ARID2: variants seen among roughly 807,000 people sequenced by gnomAD.
The protein encoded by ARID2 is AT-rich interactive domain-containing protein 2.
ARID2 carries 32 observed loss-of-function variants against 184.6 expected under a neutral mutation model. That is an observed-to-expected ratio of 0.17 (90% CI 0.13 to 0.23). The LOEUF is 0.23. Among genes scored for constraint, ARID2 ranks in the 10% least tolerant of loss-of-function variants. The pLI, the probability that ARID2 is intolerant of heterozygous loss-of-function variation, is 1.00. For synonymous variants in ARID2, 836 were observed against 772.6 expected, an observed-to-expected ratio of 1.08 and a Z score of -1.36; for missense variants, 1,696 against 2,197.6, an observed-to-expected ratio of 0.77 and a Z score of 4.56.
chr12:45,731,370 T>G, intron 3 of ARID2, 56 bp downstream of exon 3: 3 of 1,347,980 alleles, frequency 2.2e-6, no homozygotes, highest in African/African-American at 1.4e-5. Flanking sequence ...ATGGAGAGAT[T>G]TGTTTTTAGC....
intron 3 of ARID2, among the ~76,000 whole-genome samples, chr12:45,784,667 A>G (rs1054943652): frequency 1.3e-5 from 2 of 152,352 alleles, no homozygotes; most frequent in Non-Finnish European, 2.9e-5. Context: ...TTGTCTCAAG[A>G]AAAGAAAAAA....
intron 16 of ARID2, among the ~76,000 whole-genome samples, chr12:45,888,194 C>CAAA (rs1312278812): frequency 1.3e-4 from 13 of 97,822 alleles, no homozygotes; most frequent in African/African-American, 4.1e-4. Flanking sequence ...GACTCCGTCT[C>CAAA]AAAAAAAAAA....
chr12:45,738,134 T>C (rs1472028040), intron 3 of ARID2, among the ~76,000 whole-genome samples: 2 of 152,206 alleles, frequency 1.3e-5, no homozygotes, highest in Non-Finnish European at 2.9e-5. Context: ...GGGTACCATT[T>C]GTTTTACTGA....
chr12:45,771,308 A>C (rs1268678290), intron 3 of ARID2, among the ~76,000 whole-genome samples: 1 of 149,782 alleles, frequency 6.7e-6, no homozygotes, highest in Non-Finnish European at 1.5e-5. Context: ...CAGTCAGCTG[A>C]GATCGTGCCA....
rs766691475 is a variant in ARID2, at chr12:45,730,068, G to T, written c.117G>T (p.Ala39=). The T allele has an allele frequency of 6.2e-7, 1 of 1,613,590 alleles. No individual in the cohort carries two copies. Among genetic ancestry groups the T allele is most frequent in the Non-Finnish European group, 8.5e-7 (1 of 1,179,758 alleles). The part of the protein sequence containing the change: ...SRGSPFKKIP[A]VGGKELDLHG... ...GGTCGCCTTTTAAAAAAATCCCTGCGGTGGGTGGGAAGGAGCTGGATCTTC... is the reference window on the plus strand; with the variant it reads ...GGTCGCCTTTTAAAAAAATCCCTGCTGTGGGTGGGAAGGAGCTGGATCTTC... Residue 39 remains alanine (A), a synonymous_variant, in exon 2 of 21, where the codon GCG becomes GCT. Transcript: ENST00000334344.
chr12:45,796,950 A>G (rs1421974790), intron 3 of ARID2, among the ~76,000 whole-genome samples: 1 of 152,198 alleles, frequency 6.6e-6, no homozygotes, highest in Non-Finnish European at 1.5e-5. Flanking sequence ...TACTCTCTGT[A>G]TGAGTTTCTG....
At position 45,850,210 on chromosome 12, in the gene ARID2, A is replaced by G; in HGVS notation, c.2087A>G (p.Gln696Arg). Residue 696 changes from glutamine (Q) to arginine (R), a missense_variant, in exon 15 of 21, where the codon CAA becomes CGA. By Grantham distance (43) the Gln-to-Arg change is conservative (BLOSUM62 1). Around this residue, in one of 11 missense-constraint regions of ARID2, gnomAD observed 713 missense variants for 824.4 expected, o/e 0.86. Coordinates refer to ENST00000334344, the MANE Select transcript of ARID2 (RefSeq NM_152641.4). The part of the protein sequence containing the change: ...QNPSPHTHQQ[Q>R]NAPVTVIQSK... ...CCTTCACCTCATACCCACCAGCAACAAAATGCTCCAGTGACTGTCATTCAA... is the reference window on the plus strand; with the variant it reads ...CCTTCACCTCATACCCACCAGCAACGAAATGCTCCAGTGACTGTCATTCAA... 1 of 1,614,142 alleles carries G rather than the reference A, an allele frequency of 6.2e-7. No individual in the cohort carries two copies. Among genetic ancestry groups the G allele is most frequent in the Non-Finnish European group, 8.5e-7 (1 of 1,179,992 alleles).
At chr12:45,855,861 C>T (rs947344644) in intron 15 of ARID2, among the ~76,000 whole-genome samples, 2 of 152,002 alleles carry the variant, frequency 1.3e-5, no homozygotes, top group South Asian at 4.2e-4. Flanking sequence ...GCTGGGAGCA[C>T]AGGCATGTAC....
chr12:45,904,615 C>G (rs1474647653), intron 20 of ARID2, among the ~76,000 whole-genome samples: 1 of 143,392 alleles, frequency 7.0e-6, no homozygotes, highest in Non-Finnish European at 1.5e-5. Flanking sequence ...CACTTGAACC[C>G]GGGAGGTGGA....
chr12:45,859,172 C>A (rs1027003456), intron 15 of ARID2, among the ~76,000 whole-genome samples: 6 of 152,156 alleles, frequency 3.9e-5, no homozygotes, highest in Non-Finnish European at 7.4e-5. Flanking sequence ...AAGGATGGAC[C>A]ACATAATACA....
intron 3 of ARID2, among the ~76,000 whole-genome samples, chr12:45,751,982 T>G (rs923940954): frequency 6.6e-6 from 1 of 152,318 alleles, no homozygotes. Context: ...TATTCATATT[T>G]TAGATATATT....
At position 45,885,942 on chromosome 12, in the gene ARID2, G is replaced by A. The variant is rs552314111; in HGVS notation, c.4923-5838G>A. Among the ~76,000 whole-genome samples the A allele has an allele frequency of 5.3e-5, 8 of 152,172 alleles. 1 individual carries two copies. Among genetic ancestry groups the A allele is most frequent in the African/African-American group, 1.7e-4 (7 of 41,516 alleles). ...ATTTGGGTGGGTACACAGCCAAACC[G>A]TATCATTCTGCCCTGGCCCCTCCCA... On this transcript the variant is annotated intron_variant, in intron 16 of 20. Coordinates refer to ENST00000334344, the MANE Select transcript of ARID2 (RefSeq NM_152641.4).
chr12:45,886,173 C>G (rs1437877779), intron 16 of ARID2, among the ~76,000 whole-genome samples: 1 of 150,058 alleles, frequency 6.7e-6, no homozygotes. Flanking sequence ...AGTATATATA[C>G]CCATTCCAAA....
At chr12:45,762,254 G>A (rs1278292119) in intron 3 of ARID2, among the ~76,000 whole-genome samples, 1 of 152,040 alleles carries the variant, frequency 6.6e-6, no homozygotes, top group Non-Finnish European at 1.5e-5. Context: ...ATAAAATGCT[G>A]GTATATTTAG....
chr12:45,876,864 C>T (rs1368200861), intron 16 of ARID2, among the ~76,000 whole-genome samples: 17 of 150,548 alleles, frequency 1.1e-4, no homozygotes, highest in South Asian at 4.2e-4. Context: ...CTGAGGTGGG[C>T]GGATCACAAG....
In ARID2 at chr12:45,860,893, A is replaced by T; in HGVS notation, c.4866A>T (p.Gly1622=). 1 of 1,603,520 alleles carries T rather than the reference A, an allele frequency of 6.2e-7. No individual in the cohort carries two copies. The change falls in exon 16 of 21, where the codon GGA becomes GGT. Residue 1622 remains glycine, a synonymous_variant. Transcript: ENST00000334344. ...PSPFSGSSQP[G]DPMRKPGQNF... is the part of the protein sequence containing the mutation. ...CATTCAGTGGATCCAGTCAGCCTGG[A>T]GATCCAATGAGAAAACCTGGACAGA...
chr12:45,893,677 C>T lies in ARID2; in HGVS notation c.5319C>T (p.Ala1773=), dbSNP rs2136463084. ...PITKHIRLTA[A]LILKNIGKYS... is the part of the protein sequence containing the mutation. ...CTAAACACATCCGACTAACAGCTGC[C>T]TTAATATTAAAAAATATTGGTAAAT... is the stretch of plus-strand genomic sequence containing the variant. Residue 1773 remains alanine, a synonymous_variant, in exon 20 of 21, where the codon GCC becomes GCT. Coordinates refer to ENST00000334344, the MANE Select transcript of ARID2 (RefSeq NM_152641.4). The T allele has an allele frequency of 6.2e-7, 1 of 1,604,800 alleles. No homozygotes were observed. The highest frequency in any genetic ancestry group is 8.5e-7 in the Non-Finnish European group (1 of 1,177,472).
intron 3 of ARID2, among the ~76,000 whole-genome samples, chr12:45,752,175 TGTAATATCCTA>T (rs1244165506): frequency 2.0e-5 from 3 of 152,142 alleles, no homozygotes; most frequent in Non-Finnish European, 4.4e-5. Context: ...TATCAAGCAG[TGTAATATCCTA>T]GCATATGCAG....
intron 16 of ARID2, among the ~76,000 whole-genome samples, chr12:45,890,724 T>G (rs1455512301): frequency 6.6e-6 from 1 of 152,178 alleles, no homozygotes; most frequent in Non-Finnish European, 1.5e-5. Context: ...TGATTAAATT[T>G]TATTTTAAAA....
Sources: allele counts gnomAD v4.1 joint callset (sites outside exome capture counted in the v4.1 genomes callset), GRCh38; gene constraint gnomAD v4.1.1; regional missense constraint gnomAD v4.1.1; transcripts MANE v1.5; gene names NCBI Gene and HGNC (gene_info 2026-07-23, HGNC 2026-07-21).